CDH13: variants seen among roughly 807,000 people sequenced by gnomAD.
CDH13 encodes cadherin-13.
A neutral mutation model predicts 63.8 loss-of-function variants in CDH13; 24 were observed. The ratio of observed to expected loss-of-function variants is 0.38; its 90% confidence interval spans 0.27 to 0.53. The LOEUF (loss-of-function observed/expected upper bound fraction) is 0.53. CDH13 is among the 20% of genes least tolerant of loss of function. CDH13 has a pLI of 0.85. For synonymous variants in CDH13, 503 were observed against 355.3 expected (o/e 1.42, Z -4.67); for missense variants, 1,049 against 903.1 (o/e 1.16, Z -2.07).
chr16:82,967,815 A>G (rs1908085278), intron 2 of CDH13, among the ~76,000 whole-genome samples: 1 of 152,210 alleles, frequency 6.6e-6, no homozygotes, highest in Non-Finnish European at 1.5e-5. Flanking sequence ...CCACTTACAG[A>G]GGGTGGTGTC....
intron 5 of CDH13, among the ~76,000 whole-genome samples, chr16:83,285,160 T>G (rs1055029864): frequency 6.6e-6 from 1 of 152,148 alleles, no homozygotes; most frequent in Admixed American, 6.5e-5. Flanking sequence ...ACCTGTAGAT[T>G]CTTGGCAAGA....
chr16:83,595,762 A>G (rs575205210), intron 7 of CDH13, among the ~76,000 whole-genome samples: 1 of 152,362 alleles, frequency 6.6e-6, no homozygotes, highest in Admixed American at 6.5e-5. Context: ...TGAGCTGTAC[A>G]GTCTAGCCCT....
At chr16:83,162,874 TC>T (rs1304299814) in intron 4 of CDH13, among the ~76,000 whole-genome samples, 2 of 152,042 alleles carry the variant, frequency 1.3e-5, no homozygotes, top group African/African-American at 4.8e-5. Flanking sequence ...GATGCCTAAA[TC>T]CCCAACTTGT....
At chr16:83,416,139 C>T (rs1225978294) in intron 6 of CDH13, among the ~76,000 whole-genome samples, 1 of 152,158 alleles carries the variant, frequency 6.6e-6, no homozygotes. Flanking sequence ...AGAAAACAAT[C>T]CCTTTACAAT....
chr16:83,006,920 G>GTTTTTTTT (rs1388258642), intron 2 of CDH13, among the ~76,000 whole-genome samples: 21 of 125,692 alleles, frequency 1.7e-4, no homozygotes, highest in Non-Finnish European at 2.5e-4. Flanking sequence ...TTGTTTGTTT[G>GTTTTTTTT]TTTGTTTGTT....
intron 10 of CDH13, chr16:83,721,466 T>A (rs1262157627): frequency 1.3e-5 from 2 of 152,256 alleles, no homozygotes; most frequent in East Asian, 3.8e-4. Context: ...AAGGCTGCCA[T>A]TGGGTCTGAG....
intron 6 of CDH13, among the ~76,000 whole-genome samples, chr16:83,456,241 G>A (rs1276613603): frequency 6.6e-6 from 1 of 152,224 alleles, no homozygotes; most frequent in African/African-American, 2.4e-5. Flanking sequence ...TAAGGATGTC[G>A]GGATGTGGCA....
intron 1 of CDH13, among the ~76,000 whole-genome samples, chr16:82,697,675 G>A (rs1025200319): frequency 1.3e-5 from 2 of 151,632 alleles, no homozygotes; most frequent in Admixed American, 6.6e-5. Context: ...TGATCCACCT[G>A]CCTCGGCCTC....
At chr16:83,786,709 T>A (rs1915908287) in intron 13 of CDH13, among the ~76,000 whole-genome samples, 1 of 152,104 alleles carries the variant, frequency 6.6e-6, no homozygotes, top group Non-Finnish European at 1.5e-5. Context: ...TGCCTCAGCC[T>A]CCCAGGTAGC....
Position 83,796,418 on chromosome 16 carries a change from A to C in CDH13, c.*1388A>C, listed in dbSNP as rs552956933. ...GCTTTCTTATGCAATCTATGTTTGC[A>C]CTTGTGCTTTCAGTTAGCCTTCTGT... On this transcript the variant is annotated 3_prime_UTR_variant, in exon 14 of 14. Coordinates refer to ENST00000567109, the MANE Select transcript of CDH13 (RefSeq NM_001257.5). 1 of 152,348 alleles carries C rather than the reference A, an allele frequency of 6.6e-6. No individual in the cohort carries two copies. Among genetic ancestry groups the C allele is most frequent in the East Asian group, 1.9e-4 (1 of 5,190 alleles). The allele number at this position is 152,348 out of a possible 1,614,324, so 9.4% of individuals were successfully genotyped here. A position where few individuals can be genotyped will look rare whatever the true frequency, so the allele number is the denominator to read the frequency against.
At chr16:82,731,123 A>G (rs571245796) in intron 1 of CDH13, among the ~76,000 whole-genome samples, 1 of 152,332 alleles carries the variant, frequency 6.6e-6, no homozygotes, top group East Asian at 1.9e-4. Context: ...TTTATATGAC[A>G]GGAACTGGCA....
intron 6 of CDH13, among the ~76,000 whole-genome samples, chr16:83,383,740 A>G (rs1342761342): frequency 6.6e-6 from 1 of 152,028 alleles, no homozygotes. Flanking sequence ...TTTACTGCTT[A>G]CTTTCTTATA....
At chr16:83,117,933 A>C (rs1381400733) in intron 3 of CDH13, among the ~76,000 whole-genome samples, 1 of 152,152 alleles carries the variant, frequency 6.6e-6, no homozygotes, top group African/African-American at 2.4e-5. Context: ...TGAGGTTTTA[A>C]CCTCAAATGC....
intron 7 of CDH13, among the ~76,000 whole-genome samples, chr16:83,508,703 G>T (rs953033325): frequency 1.3e-5 from 2 of 152,132 alleles, no homozygotes; most frequent in Admixed American, 1.3e-4. Flanking sequence ...TGCCACCTGT[G>T]TATTGACTCT....
intron 2 of CDH13, among the ~76,000 whole-genome samples, chr16:82,908,387 G>A (rs2041717647): frequency 6.6e-6 from 1 of 152,248 alleles, no homozygotes. Flanking sequence ...CATGGTGGGT[G>A]CAGCTCATGG....
chr16:83,175,821 CTTTTTTTT>C (rs762355886), intron 4 of CDH13, among the ~76,000 whole-genome samples: 3 of 90,010 alleles, frequency 3.3e-5, no homozygotes, highest in Non-Finnish European at 6.0e-5. Flanking sequence ...TTTCAACCTG[CTTTTTTTT>C]TTTTTTTTTT....
At chr16:83,432,271 C>T (rs1164324138) in intron 6 of CDH13, among the ~76,000 whole-genome samples, 3 of 152,150 alleles carry the variant, frequency 2.0e-5, no homozygotes, top group African/African-American at 2.4e-5. Flanking sequence ...ACCATGGATC[C>T]GTTCGAGGAG....
intron 7 of CDH13, among the ~76,000 whole-genome samples, chr16:83,493,918 T>C (rs9924681): frequency 6.6e-6 from 1 of 152,308 alleles, no homozygotes; most frequent in South Asian, 2.1e-4. Flanking sequence ...CTGATGGAGA[T>C]AAGAGCTGAG....
chr16:82,794,954 A>G (rs1448626908), intron 1 of CDH13, among the ~76,000 whole-genome samples: 1 of 152,224 alleles, frequency 6.6e-6, no homozygotes, highest in East Asian at 1.9e-4. Context: ...TACGAAAACC[A>G]TTATGCTGCA....
Sources: gnomAD v4.1 joint callset for allele counts (sites outside exome capture counted in the v4.1 genomes callset) on GRCh38, gnomAD v4.1.1 for gene constraint, MANE v1.5 for transcripts, NCBI Gene and HGNC (gene_info 2026-07-23, HGNC 2026-07-21) for gene names.